The following PLAAT3 variants were observed in gnomAD, a reference collection of about 807,000 sequenced individuals.
PLAAT3 encodes Ca-independent phospholipase A1/2.
PLAAT3 carries 21 observed loss-of-function variants against 16.7 expected under a neutral mutation model. The observed-to-expected ratio is 1.26, with a 90% CI of 0.89 to 1.81. PLAAT3 has a LOEUF of 1.81. Ranked by LOEUF, PLAAT3 falls within the 40% of genes most tolerant of loss-of-function variation. The pLI, the probability that PLAAT3 is intolerant of heterozygous loss-of-function variation, is 0.00. For missense variants in PLAAT3, 219 were observed against 213.7 expected (o/e 1.02, Z -0.16); for synonymous variants, 76 against 81.7 (o/e 0.93, Z 0.38).
At chr11:63,604,596 C>T (rs986150191) in intron 2 of PLAAT3, among the ~76,000 whole-genome samples, 1 of 151,894 alleles carries the variant, frequency 6.6e-6, no homozygotes, top group African/African-American at 2.4e-5. Context: ...AACCCTGTCT[C>T]TACAAAAAAT....
chr11:63,615,064 G>GTGTATATA (rs1565259565), upstream of PLAAT3, among the ~76,000 whole-genome samples: 17 of 8,304 alleles, frequency 2.0e-3, 3 homozygotes, highest in South Asian at 0.033. Context: ...GTATATATAT[G>GTGTATATA]TGTGTATATA....
chr11:63,591,849 G>A (rs1938161583), intron 3 of PLAAT3, among the ~76,000 whole-genome samples: 1 of 152,244 alleles, frequency 6.6e-6, no homozygotes, highest in Admixed American at 6.5e-5. Flanking sequence ...GGCAAAGTGG[G>A]TGACAGCGCA....
intron 3 of PLAAT3, among the ~76,000 whole-genome samples, chr11:63,595,266 G>A (rs927874208): frequency 6.8e-6 from 1 of 146,976 alleles, no homozygotes; most frequent in African/African-American, 2.5e-5. Context: ...ACTCCAGCCT[G>A]GGCCACAGAG....
At chr11:63,589,655 G>T (rs936314674) in intron 4 of PLAAT3, among the ~76,000 whole-genome samples, 7 of 152,172 alleles carry the variant, frequency 4.6e-5, no homozygotes, top group Non-Finnish European at 1.0e-4. Context: ...TCCCAACTCT[G>T]CTAATTATCT....
At chr11:63,589,628 C>T (rs986751342) in intron 4 of PLAAT3, among the ~76,000 whole-genome samples, 2 of 152,186 alleles carry the variant, frequency 1.3e-5, no homozygotes, top group Middle Eastern at 3.2e-3. Context: ...CTATGCCACA[C>T]AGACCTGGGC....
At position 63,606,687 on chromosome 11, in the gene PLAAT3, G is replaced by A. The variant is rs1938573938; in HGVS notation, c.15+7313C>T. Among the ~76,000 whole-genome samples, 3 of 152,214 alleles carry A rather than the reference G, an allele frequency of 2.0e-5. No homozygotes were observed. In the South Asian group the frequency reaches 6.2e-4, roughly 31 times the overall value. Reference sequence around the variant, plus strand: ...TTGCAGATGGCTAACACCTCCGGCAGGGGGAGCAGCCGAGCAAAGGCCCCA... The same window carrying A: ...TTGCAGATGGCTAACACCTCCGGCAAGGGGAGCAGCCGAGCAAAGGCCCCA... On this transcript the variant is annotated intron_variant, in intron 2 of 4. Transcript: ENST00000415826.
chr11:63,581,203 A>AT (rs1937805198), intron 4 of PLAAT3, among the ~76,000 whole-genome samples: 1 of 152,192 alleles, frequency 6.6e-6, no homozygotes, highest in South Asian at 2.1e-4. Context: ...AATAACAGCG[A>AT]TTTTCAGGGA....
At chr11:63,603,754 A>G (rs1590697866) in intron 2 of PLAAT3, among the ~76,000 whole-genome samples, 1 of 36,702 alleles carries the variant, frequency 2.7e-5, no homozygotes, top group African/African-American at 1.8e-4. Flanking sequence ...ACACACACAC[A>G]GACAGAGATA....
At chr11:63,613,103 T>G (rs1005686073) in intron 2 of PLAAT3, among the ~76,000 whole-genome samples, 1 of 152,056 alleles carries the variant, frequency 6.6e-6, no homozygotes, top group African/African-American at 2.4e-5. Flanking sequence ...ACTTTCTGAG[T>G]ATTAAGTGAT....
rs1243305656 is a variant in PLAAT3, at chr11:63,589,960, T to C, written c.387+140A>G. ...CTCCCCACCCTTGTCCCCACCCTTG[T>C]CCCAACTGTGACATCCTCAAGGGCA... On this transcript the variant is annotated intron_variant, in intron 4 of 4. Transcript: ENST00000415826. 2.9e-5 allele frequency: 7 copies of C among 238,362 alleles called. No homozygotes were observed. The African/African-American group carries it at 1.0e-3, about 35-fold the overall frequency. 14.8% of individuals were successfully genotyped at this position (238,362 alleles called of 1,614,324 possible). A position where few individuals can be genotyped will look rare whatever the true frequency, so the allele number is the denominator to read the frequency against.
chr11:63,595,657 G>A (rs550914751), intron 3 of PLAAT3, among the ~76,000 whole-genome samples: 1 of 152,254 alleles, frequency 6.6e-6, no homozygotes, highest in South Asian at 2.1e-4. Flanking sequence ...TGGCACAGTG[G>A]GAATGTTCTA....
intron 3 of PLAAT3, among the ~76,000 whole-genome samples, chr11:63,595,697 T>C (rs1039309070): frequency 3.3e-5 from 5 of 152,106 alleles, no homozygotes; most frequent in African/African-American, 1.2e-4. Flanking sequence ...GTTACATGGA[T>C]GGTTTTTTTT....
chr11:63,574,728 G>T lies in PLAAT3; in HGVS notation c.*217C>A. ...AAAGTGAAAGACAATCCCTGACCAG[G>T]AAGACAGCCCGGCTGTTCCCTGAAC... On this transcript the variant is annotated 3_prime_UTR_variant, in exon 5 of 5. Transcript: ENST00000415826. 1.8e-6 allele frequency: 1 copy of T among 547,288 alleles called. No homozygotes were observed. Among genetic ancestry groups the T allele is most frequent in the Non-Finnish European group, 3.3e-6 (1 of 306,866 alleles). The allele number at this position is 547,288 out of a possible 1,614,324, so 33.9% of individuals were successfully genotyped here. A position where few individuals can be genotyped will look rare whatever the true frequency, so the allele number is the denominator to read the frequency against.
intron 2 of PLAAT3, among the ~76,000 whole-genome samples, chr11:63,599,502 G>A (rs577627891): frequency 1.6e-4 from 24 of 152,282 alleles, no homozygotes; most frequent in African/African-American, 5.1e-4. Context: ...CTATGAAGGC[G>A]GGTCAAAGGC....
intron 4 of PLAAT3, 27 bp downstream of exon 4, chr11:63,590,073 G>C: frequency 6.2e-7 from 1 of 1,604,740 alleles, no homozygotes; most frequent in South Asian, 1.1e-5. Flanking sequence ...TGGTTCCTGG[G>C]GAAGGCGACA....
Position 63,574,841 on chromosome 11 carries a change from T to C in PLAAT3, c.*104A>G, listed in dbSNP as rs1233293280. On this transcript the variant is annotated 3_prime_UTR_variant, in exon 5 of 5. Transcript: ENST00000415826. ...TATTTTATTCTGTGAAAATAAGCCT[T>C]ATTATAAATCACAATGAAATCCACA... The C allele has an allele frequency of 2.8e-6, 2 of 721,028 alleles. No homozygotes were observed. The highest frequency in any genetic ancestry group is 5.0e-6 in the Non-Finnish European group (2 of 403,310). The allele number at this position is 721,028 out of a possible 1,614,324, so 44.7% of individuals were successfully genotyped here. A position where few individuals can be genotyped will look rare whatever the true frequency, so the allele number is the denominator to read the frequency against.
intron 2 of PLAAT3, among the ~76,000 whole-genome samples, chr11:63,602,824 G>A (rs912742785): frequency 2.6e-5 from 4 of 152,150 alleles, no homozygotes; most frequent in African/African-American, 4.8e-5. Context: ...CAGGCGCAGC[G>A]GCTCATGCCT....
intron 2 of PLAAT3, chr11:63,598,611 T>C: frequency 2.1e-6 from 1 of 476,324 alleles, no homozygotes. Context: ...AACTCATGAG[T>C]GACTTGGCCA....
chr11:63,604,056 G>C (rs1457261857), intron 2 of PLAAT3, among the ~76,000 whole-genome samples: 1 of 152,166 alleles, frequency 6.6e-6, no homozygotes, highest in Non-Finnish European at 1.5e-5. Context: ...AGAAGCTGAG[G>C]CAAGAGAATC....
Sources: gnomAD v4.1 joint callset for allele counts (sites outside exome capture counted in the v4.1 genomes callset) on GRCh38, gnomAD v4.1.1 for gene constraint, MANE v1.5 for transcripts, NCBI Gene and HGNC (gene_info 2026-07-23, HGNC 2026-07-21) for gene names.